Variants in VWC2L observed in about 807,000 individuals in gnomAD.
The protein encoded by VWC2L is von Willebrand factor C domain containing 2 like, also known as von Willebrand factor C domain-containing protein 2-like.
VWC2L carries 10 observed loss-of-function variants against 21.6 expected under a neutral mutation model. That is an observed-to-expected ratio of 0.46 (90% confidence interval 0.29 to 0.78). The LOEUF is 0.78. Among genes scored for constraint, VWC2L ranks in the 30% least tolerant of loss-of-function variants. VWC2L has a pLI of 0.10. For missense variants in VWC2L, 209 were observed against 277.1 expected (o/e 0.75, Z 1.74); for synonymous variants, 96 against 94.3 (o/e 1.02, Z -0.10).
chr2:214,538,455 T>C (rs1460201942), intron 3 of VWC2L, among the ~76,000 whole-genome samples: 1 of 152,062 alleles, frequency 6.6e-6, no homozygotes, highest in Admixed American at 6.6e-5. Context: ...AGCAAGTAAC[T>C]TCGTGGCTTC....
chr2:214,552,660 G>A (rs112244547), intron 3 of VWC2L, among the ~76,000 whole-genome samples: 3,294 of 152,088 alleles, frequency 0.022, 106 homozygotes, highest in African/African-American at 0.074. Context: ...CTCTACTCAC[G>A]ACTTAAATGT....
rs1690255392 is a variant in VWC2L, at chr2:214,577,722, T to C, written c.*1902T>C. The C allele has an allele frequency of 6.6e-6, 1 of 152,216 alleles. No individual in the cohort carries two copies. Among genetic ancestry groups the C allele is most frequent in the Non-Finnish European group, 1.5e-5 (1 of 68,048 alleles). 9.4% of individuals were successfully genotyped at this position (152,216 alleles called of 1,614,324 possible). A position where few individuals can be genotyped will look rare whatever the true frequency, so the allele number is the denominator to read the frequency against. On this transcript the variant is annotated 3_prime_UTR_variant, in exon 4 of 4. Transcript: ENST00000312504. Reference sequence around the variant, plus strand: ...TTTTTTGAGTCTTGTCAACTGGTTTTTCATTTAAAATTGTCAGCCTCTCCT... The same window carrying C: ...TTTTTTGAGTCTTGTCAACTGGTTTCTCATTTAAAATTGTCAGCCTCTCCT...
intron 2 of VWC2L, among the ~76,000 whole-genome samples, chr2:214,423,092 T>C (rs1363941746): frequency 6.6e-6 from 1 of 152,144 alleles, no homozygotes. Flanking sequence ...AATTAAACAT[T>C]ATTGGGTTGG....
chr2:214,448,660 G>A (rs537343817), intron 3 of VWC2L, among the ~76,000 whole-genome samples: 2 of 152,162 alleles, frequency 1.3e-5, no homozygotes, highest in Admixed American at 1.3e-4. Context: ...TAATGTGTGG[G>A]TCGCTTTAGT....
chr2:214,414,996 T>C (rs1212458641), intron 2 of VWC2L: 1 of 191,444 alleles, frequency 5.2e-6, no homozygotes, highest in African/African-American at 2.4e-5. Context: ...AACAATATAG[T>C]CTAGAATTAT....
intron 3 of VWC2L, 86 bp downstream of exon 3, chr2:214,436,844 C>T: frequency 1.3e-6 from 2 of 1,486,930 alleles, no homozygotes; most frequent in South Asian, 2.5e-5. Context: ...ATGCAAGACC[C>T]CTCTAAGATC....
intron 2 of VWC2L, among the ~76,000 whole-genome samples, chr2:214,431,079 GTTGA>G (rs1214219568): frequency 9.2e-5 from 14 of 152,298 alleles, no homozygotes; most frequent in Middle Eastern, 3.4e-3. Flanking sequence ...CATTGGATCA[GTTGA>G]TTATTAGGTG....
chr2:214,513,960 C>T (rs1331648701), intron 3 of VWC2L, among the ~76,000 whole-genome samples: 1 of 152,136 alleles, frequency 6.6e-6, no homozygotes, highest in Non-Finnish European at 1.5e-5. Flanking sequence ...AGGACATCAG[C>T]TGCTAGAAGT....
intron 3 of VWC2L, among the ~76,000 whole-genome samples, chr2:214,514,842 T>C (rs1458713734): frequency 6.6e-6 from 1 of 152,174 alleles, no homozygotes; most frequent in Non-Finnish European, 1.5e-5. Flanking sequence ...GCATAAAAAA[T>C]TGCATAAAAT....
At chr2:214,491,687 A>G (rs944629910) in intron 3 of VWC2L, among the ~76,000 whole-genome samples, 1 of 152,224 alleles carries the variant, frequency 6.6e-6, no homozygotes, top group Non-Finnish European at 1.5e-5. Context: ...ACAGCATTAC[A>G]TAGAAGAAAG....
intron 3 of VWC2L, among the ~76,000 whole-genome samples, chr2:214,460,799 G>A (rs1300139260): frequency 9.3e-6 from 1 of 107,790 alleles, no homozygotes; most frequent in African/African-American, 3.4e-5. Context: ...GTGAATTATT[G>A]TGTTTTTTTA....
intron 3 of VWC2L, among the ~76,000 whole-genome samples, chr2:214,481,647 A>G (rs963695749): frequency 6.6e-6 from 1 of 152,224 alleles, no homozygotes; most frequent in Non-Finnish European, 1.5e-5. Context: ...AAGTAACCAC[A>G]AATAATAGTT....
At chr2:214,485,745 T>C (rs1688664585) in intron 3 of VWC2L, among the ~76,000 whole-genome samples, 1 of 152,216 alleles carries the variant, frequency 6.6e-6, no homozygotes, top group African/African-American at 2.4e-5. Context: ...ACTATTCTCG[T>C]GGCCCTCCAC....
chr2:214,447,987 C>A (rs1050745717), intron 3 of VWC2L, among the ~76,000 whole-genome samples: 4 of 152,068 alleles, frequency 2.6e-5, no homozygotes, highest in African/African-American at 9.7e-5. Context: ...AAGCCCAGAA[C>A]CACCAGGGTA....
chr2:214,453,725 C>CTTTTT (rs33937313), intron 3 of VWC2L, among the ~76,000 whole-genome samples: 1 of 142,502 alleles, frequency 7.0e-6, no homozygotes, highest in African/African-American at 2.6e-5. Flanking sequence ...AATTTTTTTT[C>CTTTTT]TTTTTTTTTT....
At chr2:214,566,408 A>G (rs2105932120) in intron 3 of VWC2L, among the ~76,000 whole-genome samples, 1 of 152,286 alleles carries the variant, frequency 6.6e-6, no homozygotes, top group South Asian at 2.1e-4. Flanking sequence ...TTGGAACACC[A>G]GGCTATAAAT....
At chr2:214,517,015 C>T (rs1008229965) in intron 3 of VWC2L, among the ~76,000 whole-genome samples, 1 of 152,220 alleles carries the variant, frequency 6.6e-6, no homozygotes, top group Non-Finnish European at 1.5e-5. Flanking sequence ...CACTTTTGCT[C>T]TCTCCCCTGC....
chr2:214,529,856 T>A (rs1216820649), intron 3 of VWC2L, among the ~76,000 whole-genome samples: 1 of 152,184 alleles, frequency 6.6e-6, no homozygotes, highest in African/African-American at 2.4e-5. Flanking sequence ...GATTCATGCT[T>A]ACGCTCATAT....
intron 3 of VWC2L, among the ~76,000 whole-genome samples, chr2:214,465,478 T>C (rs964937497): frequency 2.6e-5 from 4 of 152,188 alleles, no homozygotes; most frequent in African/African-American, 9.6e-5. Flanking sequence ...CCTGGTGCCC[T>C]ATTCTACTGT....
Sources: allele counts gnomAD v4.1 joint callset (sites outside exome capture counted in the v4.1 genomes callset), GRCh38; gene constraint gnomAD v4.1.1; transcripts MANE v1.5; gene names NCBI Gene and HGNC (gene_info 2026-07-23, HGNC 2026-07-21).